SYNDIG1: variants seen among roughly 807,000 people sequenced by gnomAD.
SYNDIG1 encodes synapse differentiation inducing 1.
A neutral mutation model predicts 19.4 loss-of-function variants in SYNDIG1; 9 were observed. The ratio of observed to expected loss-of-function variants is 0.46; its 90% CI spans 0.28 to 0.81. SYNDIG1 has a LOEUF of 0.81. SYNDIG1 is among the 30% of genes least tolerant of loss of function. SYNDIG1 has a pLI of 0.12. For missense variants in SYNDIG1, 311 were observed against 343.3 expected, an observed-to-expected ratio of 0.91 and a Z score of 0.74; for synonymous variants, 141 against 145.9, an observed-to-expected ratio of 0.97 and a Z score of 0.24.
chr20:24,501,881 G>A (rs567593083), intron 1 of SYNDIG1, among the ~76,000 whole-genome samples: 2 of 152,292 alleles, frequency 1.3e-5, no homozygotes, highest in South Asian at 2.1e-4. Flanking sequence ...TGCAGGCCCC[G>A]AGCTGCTTCT....
At chr20:24,659,939 A>G (rs1028201565) in intron 3 of SYNDIG1, among the ~76,000 whole-genome samples, 7 of 152,150 alleles carry the variant, frequency 4.6e-5, no homozygotes, top group African/African-American at 1.4e-4. Context: ...TTTTTCAACT[A>G]TGCTTTCTTC....
chr20:24,486,002 T>A (rs2055946533), intron 1 of SYNDIG1, among the ~76,000 whole-genome samples: 1 of 152,160 alleles, frequency 6.6e-6, no homozygotes, highest in Admixed American at 6.5e-5. Context: ...AATTGAGGAT[T>A]TAATGAGAAC....
At chr20:24,577,654 AG>A (rs1438447978) in intron 2 of SYNDIG1, among the ~76,000 whole-genome samples, 2 of 152,210 alleles carry the variant, frequency 1.3e-5, no homozygotes, top group Non-Finnish European at 2.9e-5. Context: ...GTAGATGCAG[AG>A]GGGCTTGAGC....
chr20:24,558,252 C>G (rs936075931), intron 2 of SYNDIG1, among the ~76,000 whole-genome samples: 2 of 152,142 alleles, frequency 1.3e-5, no homozygotes, highest in African/African-American at 4.8e-5. Flanking sequence ...GTCAATTTCT[C>G]TATTTATCCA....
At chr20:24,642,006 T>C (rs1004178225) in intron 3 of SYNDIG1, among the ~76,000 whole-genome samples, 2 of 152,332 alleles carry the variant, frequency 1.3e-5, no homozygotes, top group Non-Finnish European at 2.9e-5. Context: ...ATGGACTATG[T>C]AGGCTCTATG....
chr20:24,619,053 T>C (rs1217910631), intron 3 of SYNDIG1, among the ~76,000 whole-genome samples: 1 of 152,220 alleles, frequency 6.6e-6, no homozygotes, highest in South Asian at 2.1e-4. Flanking sequence ...CAGTCTCTTT[T>C]GCAGGGCAGG....
At chr20:24,555,717 A>G (rs1002519811) in intron 2 of SYNDIG1, among the ~76,000 whole-genome samples, 6 of 152,112 alleles carry the variant, frequency 3.9e-5, no homozygotes, top group Non-Finnish European at 5.9e-5. Flanking sequence ...GGAGAGCTTT[A>G]CTTCCAAGTA....
chr20:24,624,818 A>T (rs1726428305), intron 3 of SYNDIG1, among the ~76,000 whole-genome samples: 1 of 152,230 alleles, frequency 6.6e-6, no homozygotes, highest in Admixed American at 6.5e-5. Context: ...TCCTCAAAAG[A>T]TTAAAAACAG....
At chr20:24,506,134 G>A (rs1394055798) in intron 1 of SYNDIG1, among the ~76,000 whole-genome samples, 2 of 152,182 alleles carry the variant, frequency 1.3e-5, no homozygotes, top group African/African-American at 4.8e-5. Context: ...CGCCAGGTCT[G>A]GTTCATAAAT....
At chr20:24,615,479 C>T (rs1163759506) in intron 3 of SYNDIG1, among the ~76,000 whole-genome samples, 3 of 152,306 alleles carry the variant, frequency 2.0e-5, no homozygotes, top group Admixed American at 6.5e-5. Context: ...ACTGCCAGGC[C>T]CCTCTGTGAA....
chr20:24,543,444 T>C lies in SYNDIG1; in HGVS notation c.347T>C (p.Ile116Thr). The change falls in exon 2 of 4, where the codon ATC (isoleucine) becomes ACC (threonine). Residue 116 changes from isoleucine (I) to threonine (T), a missense_variant. Transcript: ENST00000376862. Reference protein sequence around the residue: ...VAADCCETTFIEDRSPTKDSL... With the variant: ...VAADCCETTFTEDRSPTKDSL... The stretch of plus-strand genomic sequence containing the variant: ...GCCGACTGCTGCGAGACCACCTTCA[T>C]CGAGGACCGGTCGCCCACCAAAGAC... 1 of 1,613,550 alleles carries C rather than the reference T, an allele frequency of 6.2e-7. No individual in the cohort carries two copies. Among genetic ancestry groups the C allele is most frequent in the South Asian group, 1.1e-5 (1 of 91,052 alleles).
chr20:24,642,170 A>G lies in SYNDIG1; in HGVS notation c.619-23176A>G, dbSNP rs559368236. 7.9e-5 allele frequency among the ~76,000 whole-genome samples: 12 copies of G among 152,300 alleles called. No individual in the cohort carries two copies. In the East Asian group the frequency reaches 2.1e-3, roughly 27 times the overall value. The stretch of plus-strand genomic sequence containing the variant: ...TCCTCTTGGCTGTGACAGTTTCTCA[A>G]ATAAGTTTCCTTGTTTTTGATGGCC... On this transcript the variant is annotated intron_variant, in intron 3 of 3. Transcript: ENST00000376862.
chr20:24,580,398 C>CTTTGTTTG lies in SYNDIG1; in HGVS notation c.481-4441_481-4434dup, dbSNP rs201589200. On this transcript the variant is annotated intron_variant, in intron 2 of 3. Transcript: ENST00000376862. ...TTGTCTGCCCTGTAATTTGTCTGAGCTTTGTTTGTTTGTTTGTTTGTTTGA... is the reference window on the plus strand; with the variant it reads ...TTGTCTGCCCTGTAATTTGTCTGAGCTTTGTTTGTTTGTTTGTTTGTTTGTTTGTTTGA... 2.6e-5 allele frequency among the ~76,000 whole-genome samples: 4 copies of CTTTGTTTG among 151,952 alleles called. No homozygotes were observed. In the South Asian group the frequency reaches 6.3e-4, roughly 24 times the overall value.
chr20:24,588,946 T>G (rs1368082381), intron 3 of SYNDIG1, among the ~76,000 whole-genome samples: 1 of 145,094 alleles, frequency 6.9e-6, no homozygotes, highest in Non-Finnish European at 1.5e-5. Context: ...GGCATCTGGC[T>G]TGTCCCTGAG....
At chr20:24,515,207 A>T (rs1201976415) in intron 1 of SYNDIG1, among the ~76,000 whole-genome samples, 2 of 152,136 alleles carry the variant, frequency 1.3e-5, no homozygotes, top group East Asian at 1.9e-4. Context: ...AACATCACAA[A>T]TAAAAGAACT....
At chr20:24,523,125 G>T (rs544658296) in intron 1 of SYNDIG1, among the ~76,000 whole-genome samples, 1 of 152,306 alleles carries the variant, frequency 6.6e-6, no homozygotes, top group South Asian at 2.1e-4. Flanking sequence ...CAGCTTACTG[G>T]CTATGAGTCA....
intron 1 of SYNDIG1, among the ~76,000 whole-genome samples, chr20:24,481,830 T>G (rs2055805779): frequency 6.6e-6 from 1 of 152,104 alleles, no homozygotes; most frequent in Non-Finnish European, 1.5e-5. Context: ...CCCTATTTCA[T>G]AAAAAGTTCT....
At chr20:24,653,803 C>G (rs544974939) in intron 3 of SYNDIG1, among the ~76,000 whole-genome samples, 4 of 152,334 alleles carry the variant, frequency 2.6e-5, no homozygotes, top group South Asian at 4.1e-4. Flanking sequence ...AGGCCACTCT[C>G]CTTCATGTGG....
At chr20:24,595,623 G>GTT (rs1163708488) in intron 3 of SYNDIG1, among the ~76,000 whole-genome samples, 1 of 152,154 alleles carries the variant, frequency 6.6e-6, no homozygotes, top group Non-Finnish European at 1.5e-5. Flanking sequence ...AAGCCATATA[G>GTT]TCCTTTCCAG....
Sources: allele counts gnomAD v4.1 joint callset (sites outside exome capture counted in the v4.1 genomes callset), GRCh38; gene constraint gnomAD v4.1.1; transcripts MANE v1.5; gene names NCBI Gene and HGNC (gene_info 2026-07-23, HGNC 2026-07-21).